Variants in CALN1 observed in about 807,000 individuals in gnomAD.
The protein encoded by CALN1 is calneuron 1.
A neutral mutation model predicts 30.6 loss-of-function variants in CALN1; 17 were observed. The ratio of observed to expected loss-of-function variants is 0.56; its 90% CI spans 0.38 to 0.83. The LOEUF is 0.83. CALN1 is among the 40% of genes least tolerant of loss of function. The pLI, the probability that CALN1 is intolerant of heterozygous loss-of-function variation, is 0.00. For missense variants in CALN1, 291 were observed against 354.9 expected (o/e 0.82, Z 1.45); for synonymous variants, 156 against 131.4 (o/e 1.19, Z -1.28).
intron 3 of CALN1, among the ~76,000 whole-genome samples, chr7:72,166,777 T>C (rs375353693): frequency 6.6e-6 from 1 of 152,122 alleles, no homozygotes; most frequent in Non-Finnish European, 1.5e-5. Context: ...CGGTGGTGGC[T>C]CACGCCAGTA....
chr7:71,866,127 T>G (rs1443349834), intron 5 of CALN1, among the ~76,000 whole-genome samples: 1 of 151,922 alleles, frequency 6.6e-6, no homozygotes, highest in East Asian at 1.9e-4. Context: ...TGCCTCAGCC[T>G]CCCGAGTAGC....
intron 3 of CALN1, among the ~76,000 whole-genome samples, chr7:72,223,022 A>C (rs1793419760): frequency 6.6e-6 from 1 of 152,298 alleles, no homozygotes; most frequent in African/African-American, 2.4e-5. Context: ...CCTTGTCTCT[A>C]AAAATCAATG....
At chr7:72,103,766 G>C (rs1012870663) in intron 4 of CALN1, among the ~76,000 whole-genome samples, 9 of 152,096 alleles carry the variant, frequency 5.9e-5, no homozygotes, top group Admixed American at 4.6e-4. Flanking sequence ...AATGGAGGGG[G>C]GGGGAAGGAG....
intron 5 of CALN1, among the ~76,000 whole-genome samples, chr7:71,843,393 T>A (rs1180811866): frequency 6.6e-6 from 1 of 151,974 alleles, no homozygotes; most frequent in Non-Finnish European, 1.5e-5. Flanking sequence ...CTGAGGGGGA[T>A]GAATTGCTTG....
intron 2 of CALN1, among the ~76,000 whole-genome samples, chr7:72,325,482 T>A (rs1262748640): frequency 3.3e-5 from 5 of 151,956 alleles, no homozygotes; most frequent in African/African-American, 1.2e-4. Context: ...GCACCAGTAA[T>A]CCCAGCTACT....
At chr7:72,393,448 A>C (rs1206049686) in intron 2 of CALN1, among the ~76,000 whole-genome samples, 5 of 152,196 alleles carry the variant, frequency 3.3e-5, no homozygotes, top group African/African-American at 4.8e-5. Flanking sequence ...TGGGAGAGAG[A>C]GCAAGACTCC....
intron 2 of CALN1, chr7:72,336,711 T>C: frequency 5.1e-6 from 5 of 985,560 alleles, no homozygotes; most frequent in Non-Finnish European, 6.0e-6. Flanking sequence ...CACCTCTTGC[T>C]GGGCCGGGGC....
chr7:72,185,527 C>T (rs1242359925), intron 3 of CALN1, among the ~76,000 whole-genome samples: 1 of 152,164 alleles, frequency 6.6e-6, no homozygotes, highest in African/African-American at 2.4e-5. Context: ...ATGTCCATGT[C>T]TATAAATATG....
chr7:72,360,276 ATGG>A (rs1325630791), intron 2 of CALN1, among the ~76,000 whole-genome samples: 1 of 152,204 alleles, frequency 6.6e-6, no homozygotes, highest in Admixed American at 6.5e-5. Flanking sequence ...TAAATATTTA[ATGG>A]TGAAGTCTGT....
chr7:72,144,830 C>T (rs536815776), intron 3 of CALN1, among the ~76,000 whole-genome samples: 5 of 152,222 alleles, frequency 3.3e-5, no homozygotes, highest in Admixed American at 2.6e-4. Context: ...CACTCAAAAC[C>T]GCTCAACTAC....
chr7:72,321,778 T>G (rs577991539), intron 2 of CALN1, among the ~76,000 whole-genome samples: 4 of 152,320 alleles, frequency 2.6e-5, no homozygotes, highest in East Asian at 1.9e-4. Flanking sequence ...TGTCTCCTGA[T>G]TCTCCCTTAC....
At position 72,016,998 on chromosome 7, in the gene CALN1, C is replaced by CAAAAAAAAAAAAAAAAAAAAAAAAA. The variant is rs754201004; in HGVS notation, c.501+6658_501+6659insTTTTTTTTTTTTTTTTTTTTTTTTT. On this transcript the variant is annotated intron_variant, in intron 5 of 6. Coordinates refer to ENST00000395275, the MANE Select transcript of CALN1 (RefSeq NM_031468.4). ...CAAAACCCCGTGTTTACTAAAAATA[C>CAAAAAAAAAAAAAAAAAAAAAAAAA]AAAAAAAAAAAAAAAAAAAGCTGGG... Among the ~76,000 whole-genome samples the CAAAAAAAAAAAAAAAAAAAAAAAAA allele has an allele frequency of 1.7e-3, 55 of 31,950 alleles. 5 individuals carry two copies. Among genetic ancestry groups the CAAAAAAAAAAAAAAAAAAAAAAAAA allele is most frequent in the East Asian group, 8.0e-3 (8 of 994 alleles). 21.0% of individuals were successfully genotyped at this position (31,950 alleles called of 152,430 possible).
At chr7:72,364,620 C>T (rs187109997) in intron 2 of CALN1, among the ~76,000 whole-genome samples, 34 of 152,100 alleles carry the variant, frequency 2.2e-4, no homozygotes, top group South Asian at 2.1e-4. Context: ...ATTCTCAGTA[C>T]GGAAACAGAC....
intron 6 of CALN1, among the ~76,000 whole-genome samples, chr7:71,790,810 C>A (rs6943321): frequency 1.3e-5 from 2 of 152,100 alleles, no homozygotes; most frequent in Non-Finnish European, 2.9e-5. Flanking sequence ...GACATCCACT[C>A]GGGAGTTTCT....
chr7:71,922,579 CACAG>C (rs1173152185), intron 5 of CALN1, among the ~76,000 whole-genome samples: 1 of 133,592 alleles, frequency 7.5e-6, no homozygotes, highest in Non-Finnish European at 1.6e-5. Flanking sequence ...ATATATAACA[CACAG>C]AATGTATTAT....
intron 2 of CALN1, among the ~76,000 whole-genome samples, chr7:72,295,186 C>T (rs778666977): frequency 6.6e-6 from 1 of 151,898 alleles, no homozygotes; most frequent in Non-Finnish European, 1.5e-5. Context: ...AAAATAGAAG[C>T]CAAAATTGAA....
At chr7:72,308,372 G>GGGAGA (rs373934467) in intron 2 of CALN1, among the ~76,000 whole-genome samples, 1 of 92,624 alleles carries the variant, frequency 1.1e-5, no homozygotes, top group Non-Finnish European at 2.0e-5. Flanking sequence ...TGTGGGGGGG[G>GGGAGA]GAGAGAGAGA....
intron 1 of CALN1, among the ~76,000 whole-genome samples, chr7:72,408,840 G>A (rs1008249049): frequency 6.6e-6 from 1 of 151,610 alleles, no homozygotes; most frequent in Non-Finnish European, 1.5e-5. Context: ...ATCACTCCTG[G>A]CTAATTTTTG....
intron 4 of CALN1, among the ~76,000 whole-genome samples, chr7:72,083,003 C>G (rs893869456): frequency 1.3e-5 from 2 of 151,850 alleles, no homozygotes; most frequent in African/African-American, 4.8e-5. Context: ...GAGTTCGAGA[C>G]CAGCCTGGCC....
Sources: allele counts gnomAD v4.1 joint callset (sites outside exome capture counted in the v4.1 genomes callset), GRCh38; gene constraint gnomAD v4.1.1; transcripts MANE v1.5; gene names NCBI Gene and HGNC (gene_info 2026-07-23, HGNC 2026-07-21).